PTPRD: variants seen among roughly 807,000 people sequenced by gnomAD.
PTPRD encodes protein tyrosine phosphatase receptor type D, also known as receptor-type tyrosine-protein phosphatase delta.
PTPRD carries 34 observed loss-of-function variants against 214.5 expected under a neutral mutation model. The observed-to-expected ratio is 0.16, with a 90% CI of 0.12 to 0.21. PTPRD has a LOEUF of 0.21. Among genes scored for constraint, PTPRD ranks in the 10% least tolerant of loss-of-function variants. The pLI is 1.00. For synonymous variants in PTPRD, 1,128 were observed against 845.7 expected, an observed-to-expected ratio of 1.33 and a Z score of -5.79; for missense variants, 2,545 against 2,398.7, an observed-to-expected ratio of 1.06 and a Z score of -1.27.
chr9:9,194,974 T>C (rs2099937440), intron 9 of PTPRD, among the ~76,000 whole-genome samples: 1 of 149,066 alleles, frequency 6.7e-6, no homozygotes, highest in Admixed American at 6.8e-5. Context: ...CAAGGACCAG[T>C]TGAACCCTAC....
intron 10 of PTPRD, among the ~76,000 whole-genome samples, chr9:9,036,103 G>A (rs1349915120): frequency 2.6e-5 from 4 of 151,698 alleles, no homozygotes; most frequent in African/African-American, 9.7e-5. Flanking sequence ...CACTAATAAA[G>A]ATTATTCTCC....
At chr9:10,463,317 G>A (rs1425085428) in intron 2 of PTPRD, among the ~76,000 whole-genome samples, 1 of 152,006 alleles carries the variant, frequency 6.6e-6, no homozygotes, top group Non-Finnish European at 1.5e-5. Flanking sequence ...GCTCAAATAT[G>A]TATCTGCTTA....
chr9:8,544,058 T>C (rs562425358), intron 14 of PTPRD, among the ~76,000 whole-genome samples: 4 of 152,092 alleles, frequency 2.6e-5, no homozygotes, highest in East Asian at 1.9e-4. Context: ...TAGCCCACCA[T>C]AGTACTGGTT....
chr9:8,824,672 G>C (rs2097141306), intron 11 of PTPRD, among the ~76,000 whole-genome samples: 1 of 152,084 alleles, frequency 6.6e-6, no homozygotes, highest in African/African-American at 2.4e-5. Context: ...GCTGATACCG[G>C]GTTGTCAGCT....
chr9:9,391,105 A>T (rs1473181156), intron 9 of PTPRD, among the ~76,000 whole-genome samples: 1 of 152,142 alleles, frequency 6.6e-6, no homozygotes, highest in African/African-American at 2.4e-5. Context: ...AGAAATGTCA[A>T]ATATGAATAA....
At chr9:9,838,439 T>G (rs545508010) in intron 5 of PTPRD, among the ~76,000 whole-genome samples, 121 of 152,250 alleles carry the variant, frequency 7.9e-4, no homozygotes, top group African/African-American at 2.6e-3. Flanking sequence ...TGTTGTTTCC[T>G]GACTTTTTAA....
intron 8 of PTPRD, among the ~76,000 whole-genome samples, chr9:9,486,806 T>C (rs2095657306): frequency 6.6e-6 from 1 of 152,168 alleles, no homozygotes; most frequent in Admixed American, 6.5e-5. Context: ...ATTACAACAC[T>C]TAACATCATA....
chr9:8,374,484 GA>G (rs1201502097), intron 39 of PTPRD, among the ~76,000 whole-genome samples: 1 of 152,000 alleles, frequency 6.6e-6, no homozygotes, highest in African/African-American at 2.4e-5. Flanking sequence ...CAATCATGCA[GA>G]AAACTGCAAC....
intron 27 of PTPRD, among the ~76,000 whole-genome samples, chr9:8,486,641 C>T (rs1394584159): frequency 6.6e-6 from 1 of 152,152 alleles, no homozygotes; most frequent in Admixed American, 6.5e-5. Context: ...AACCTTCACA[C>T]ATAAAGGTTC....
chr9:8,935,935 G>A (rs2098993770), intron 11 of PTPRD: 1 of 152,126 alleles, frequency 6.6e-6, no homozygotes, highest in Non-Finnish European at 1.5e-5. Flanking sequence ...CATGCATGAA[G>A]TGAATCTTGA....
intron 3 of PTPRD, among the ~76,000 whole-genome samples, chr9:10,079,261 C>G (rs117765480): frequency 1.3e-5 from 2 of 152,068 alleles, no homozygotes; most frequent in African/African-American, 2.4e-5. Context: ...CTGATCCAGA[C>G]GGGCGTGCCA....
intron 7 of PTPRD, among the ~76,000 whole-genome samples, chr9:9,718,506 G>A (rs1428102097): frequency 3.3e-5 from 5 of 152,164 alleles, no homozygotes; most frequent in Non-Finnish European, 5.9e-5. Context: ...CTGCTCCCAG[G>A]CACAGCTGCA....
At chr9:9,111,638 G>C (rs148381153) in intron 10 of PTPRD, among the ~76,000 whole-genome samples, 68 of 152,290 alleles carry the variant, frequency 4.5e-4, no homozygotes, top group African/African-American at 1.6e-3. Flanking sequence ...TGGTGTAACA[G>C]TTTTGCCCAA....
intron 30 of PTPRD, among the ~76,000 whole-genome samples, chr9:8,476,057 C>G (rs996782448): frequency 1.1e-4 from 16 of 152,258 alleles, no homozygotes; most frequent in Admixed American, 5.2e-4. Flanking sequence ...CTGACTGTGC[C>G]CTCTCAGCTA....
At chr9:10,400,348 T>C (rs2098249480) in intron 2 of PTPRD, among the ~76,000 whole-genome samples, 1 of 151,834 alleles carries the variant, frequency 6.6e-6, no homozygotes, top group African/African-American at 2.4e-5. Flanking sequence ...ATTATCATTT[T>C]CTCTAGTCAA....
At chr9:10,548,569 A>C (rs909815036) in intron 2 of PTPRD, among the ~76,000 whole-genome samples, 1 of 152,190 alleles carries the variant, frequency 6.6e-6, no homozygotes, top group Admixed American at 6.6e-5. Flanking sequence ...TTAGAGTCTC[A>C]GCGTAAGCAC....
intron 9 of PTPRD, among the ~76,000 whole-genome samples, chr9:9,321,329 G>C (rs918519328): frequency 6.6e-6 from 1 of 152,138 alleles, no homozygotes; most frequent in African/African-American, 2.4e-5. Flanking sequence ...GCCGAGGCGG[G>C]TGGATCACCT....
intron 9 of PTPRD, among the ~76,000 whole-genome samples, chr9:9,359,870 T>C (rs577008544): frequency 6.6e-6 from 1 of 151,370 alleles, no homozygotes; most frequent in Admixed American, 6.6e-5. Flanking sequence ...TGAAAGAAGA[T>C]TCAGAGACAC....
At chr9:8,856,115 T>C (rs1032407276) in intron 11 of PTPRD, among the ~76,000 whole-genome samples, 1 of 152,212 alleles carries the variant, frequency 6.6e-6, no homozygotes, top group Admixed American at 6.5e-5. Context: ...CTATAGTGTC[T>C]GTAGCATAAA....
Sources: gnomAD v4.1 joint callset for allele counts (sites outside exome capture counted in the v4.1 genomes callset) on GRCh38, gnomAD v4.1.1 for gene constraint, MANE v1.5 for transcripts, NCBI Gene and HGNC (gene_info 2026-07-23, HGNC 2026-07-21) for gene names.